The following NTN1 variants were observed in gnomAD, a reference collection of about 807,000 sequenced individuals.
The protein encoded by NTN1 is netrin 1, also known as netrin-1.
Under a neutral mutation model 54.2 loss-of-function variants are expected in NTN1, and 11 were observed. That is an observed-to-expected ratio of 0.20 (90% CI 0.13 to 0.34). The LOEUF is 0.34. Among genes scored for constraint, NTN1 ranks in the 10% least tolerant of loss-of-function variants. The pLI, the probability that NTN1 is intolerant of heterozygous loss-of-function variation, is 1.00. For synonymous variants in NTN1, 371 were observed against 382.0 expected (o/e 0.97, Z 0.33); for missense variants, 740 against 893.1 (o/e 0.83, Z 2.18).
rs867005711 is a variant in NTN1, at chr17:9,022,567, G to A, written c.194G>A (p.Arg65His). Residue 65 changes from arginine (R) to histidine (H), a missense_variant, in exon 2 of 7, where the codon CGC becomes CAC. By Grantham distance (29) the Arg-to-His change is conservative (BLOSUM62 0). Coordinates refer to ENST00000173229, the MANE Select transcript of NTN1 (RefSeq NM_004822.3). ...AATGCGGCCTTCGGCAAGGACGTGC[G>A]CGTGTCCAGCACCTGCGGCCGGCCC... ...FVNAAFGKDV[R>H]VSSTCGRPPA... 1 of 1,547,608 alleles carries A rather than the reference G, an allele frequency of 6.5e-7. No homozygotes were observed. The highest frequency in any genetic ancestry group is 8.7e-7 in the Non-Finnish European group (1 of 1,147,870).
intron 6 of NTN1, among the ~76,000 whole-genome samples, chr17:9,228,886 G>A (rs1046995738): frequency 1.5e-4 from 19 of 128,648 alleles, no homozygotes; most frequent in African/African-American, 3.4e-4. Context: ...GTGTGACTAC[G>A]CATGTGTGAT....
intron 3 of NTN1, chr17:9,175,029 C>T (rs2092396405): frequency 6.6e-6 from 1 of 152,308 alleles, no homozygotes; most frequent in Non-Finnish European, 1.5e-5. Flanking sequence ...CTCAAGAGCC[C>T]CTGGAGCCAG....
the NTN1 span, among the ~76,000 whole-genome samples, chr17:9,009,397 C>T: frequency 1.3e-5 from 2 of 152,232 alleles, no homozygotes; most frequent in Non-Finnish European, 2.9e-5. Context: ...CCACCTTCTG[C>T]GTAGTTTCTG....
intron 3 of NTN1, among the ~76,000 whole-genome samples, chr17:9,178,129 G>A (rs1017999806): frequency 5.3e-5 from 8 of 152,214 alleles, no homozygotes; most frequent in Admixed American, 3.9e-4. Flanking sequence ...CCCGGGAGGC[G>A]GAGGTTGCAG....
chr17:9,168,892 A>C (rs987206251), intron 3 of NTN1, among the ~76,000 whole-genome samples: 1 of 152,136 alleles, frequency 6.6e-6, no homozygotes, highest in Admixed American at 6.5e-5. Flanking sequence ...GAAGGTACTT[A>C]GTGGCTGGAG....
At chr17:9,137,662 CAG>C (rs1313510205) in intron 2 of NTN1, among the ~76,000 whole-genome samples, 6 of 152,104 alleles carry the variant, frequency 3.9e-5, no homozygotes, top group Admixed American at 3.9e-4. Context: ...AGTGTGATGG[CAG>C]GCACCTGTAA....
chr17:9,227,359 AT>A (rs1567745475), intron 6 of NTN1, among the ~76,000 whole-genome samples: 8 of 142,824 alleles, frequency 5.6e-5, no homozygotes, highest in Admixed American at 2.2e-4. Flanking sequence ...TCACACTCAC[AT>A]CATACACACA....
intron 2 of NTN1, among the ~76,000 whole-genome samples, chr17:9,114,504 A>G (rs1235230698): frequency 5.9e-5 from 9 of 151,262 alleles, no homozygotes; most frequent in Non-Finnish European, 1.3e-4. Flanking sequence ...CTGTAATCCC[A>G]CACTTTGGGA....
intron 2 of NTN1, among the ~76,000 whole-genome samples, chr17:9,090,054 A>C (rs934629612): frequency 6.6e-6 from 1 of 152,022 alleles, no homozygotes; most frequent in Admixed American, 6.6e-5. Flanking sequence ...GGAAAGGCTG[A>C]GGCTGGAGGA....
At chr17:9,041,663 A>T (rs917944668) in intron 2 of NTN1, among the ~76,000 whole-genome samples, 1 of 152,240 alleles carries the variant, frequency 6.6e-6, no homozygotes, top group South Asian at 2.1e-4. Flanking sequence ...TTTTGTGTGG[A>T]CATCTGCTTT....
At chr17:9,173,995 G>A (rs1444312764) in intron 3 of NTN1, 1 of 152,532 alleles carries the variant, frequency 6.6e-6, no homozygotes, top group Non-Finnish European at 1.5e-5. Flanking sequence ...AGGTGAGGAG[G>A]GGGCTGCTGA....
Position 9,076,650 on chromosome 17 carries a change from A to T in NTN1, c.1018+53259A>T, listed in dbSNP as rs540278572. 1.7e-4 allele frequency among the ~76,000 whole-genome samples: 26 copies of T among 152,334 alleles called. No individual in the cohort carries two copies. In the East Asian group the frequency reaches 4.8e-3, roughly 28 times the overall value. On this transcript the variant is annotated intron_variant, in intron 2 of 6. Transcript: ENST00000173229. ...CTCAGTCTCCCAAAGTGCTGGGATT[A>T]TAGGCATGAGCCATTGCGCCCGGCC...
At chr17:9,067,519 A>G (rs2092019154) in intron 2 of NTN1, among the ~76,000 whole-genome samples, 1 of 152,220 alleles carries the variant, frequency 6.6e-6, no homozygotes, top group Non-Finnish European at 1.5e-5. Flanking sequence ...CACCCGGGAT[A>G]CATTAATTTA....
intron 5 of NTN1, among the ~76,000 whole-genome samples, chr17:9,210,444 C>CCACACACA (rs71135952): frequency 9.9e-6 from 1 of 100,898 alleles, no homozygotes; most frequent in Non-Finnish European, 2.3e-5. Flanking sequence ...ACCCCCACAC[C>CCACACACA]CACACACACA....
chr17:9,107,373 T>C (rs1004436823), intron 2 of NTN1, among the ~76,000 whole-genome samples: 1 of 152,260 alleles, frequency 6.6e-6, no homozygotes, highest in African/African-American at 2.4e-5. Context: ...GATGCTCAGA[T>C]AAAATGTGAT....
At chr17:9,076,519 C>T (rs567459847) in intron 2 of NTN1, among the ~76,000 whole-genome samples, 58 of 152,200 alleles carry the variant, frequency 3.8e-4, no homozygotes, top group Non-Finnish European at 5.9e-4. Context: ...ACCACAGGCA[C>T]ACACCAGCAT....
chr17:9,025,167 G>A (rs889020988), intron 2 of NTN1, among the ~76,000 whole-genome samples: 1 of 152,184 alleles, frequency 6.6e-6, no homozygotes, highest in African/African-American at 2.4e-5. Context: ...AAATTTCTCT[G>A]GCTTGAAGAT....
chr17:9,152,666 C>T (rs2092330940), intron 2 of NTN1, among the ~76,000 whole-genome samples: 1 of 152,206 alleles, frequency 6.6e-6, no homozygotes, highest in African/African-American at 2.4e-5. Context: ...TTCCAGGGTC[C>T]CCTCCCAAAG....
chr17:9,146,205 A>G (rs1332085030), intron 2 of NTN1, among the ~76,000 whole-genome samples: 2 of 152,128 alleles, frequency 1.3e-5, no homozygotes, highest in African/African-American at 4.8e-5. Context: ...AGGGGACACT[A>G]GGATCCAGGG....
Sources: allele counts gnomAD v4.1 joint callset (sites outside exome capture counted in the v4.1 genomes callset), GRCh38; gene constraint gnomAD v4.1.1; transcripts MANE v1.5; gene names NCBI Gene and HGNC (gene_info 2026-07-23, HGNC 2026-07-21).